FGF7: variants seen among roughly 807,000 people sequenced by gnomAD.
FGF7 encodes FGF-7.
Under a neutral mutation model 20.5 loss-of-function variants are expected in FGF7, and 6 were observed. That is an observed-to-expected ratio of 0.29 (90% confidence interval 0.16 to 0.58). The LOEUF (loss-of-function observed/expected upper bound fraction) is 0.58. Among genes scored for constraint, FGF7 ranks in the 20% least tolerant of loss-of-function variants. The probability of loss-of-function intolerance (pLI) is 0.90; values close to 1 mark genes in which losing one functional copy is unlikely to be tolerated. For missense variants in FGF7, 144 were observed against 228.8 expected, an observed-to-expected ratio of 0.63 and a Z score of 2.39; for synonymous variants, 64 against 74.7, an observed-to-expected ratio of 0.86 and a Z score of 0.74.
At chr15:49,447,869 T>A (rs780144948) in intron 2 of FGF7, among the ~76,000 whole-genome samples, 4 of 151,508 alleles carry the variant, frequency 2.6e-5, no homozygotes, top group Non-Finnish European at 5.9e-5. Flanking sequence ...AAACAATAGG[T>A]TTGACTTTTG....
chr15:49,468,766 A>G (rs1478338111), intron 2 of FGF7, among the ~76,000 whole-genome samples: 2 of 152,198 alleles, frequency 1.3e-5, no homozygotes, highest in African/African-American at 2.4e-5. Context: ...AGCAAAGCCA[A>G]CATGTGCACA....
chr15:49,475,024 A>G (rs1471547593), intron 2 of FGF7, among the ~76,000 whole-genome samples: 1 of 152,206 alleles, frequency 6.6e-6, no homozygotes, highest in Non-Finnish European at 1.5e-5. Flanking sequence ...TATTTCAGAC[A>G]ATGGTATGGA....
In FGF7 at chr15:49,424,191, C is replaced by T; in HGVS notation, c.-107C>T. 1 of 1,009,598 alleles carries T rather than the reference C, an allele frequency of 9.9e-7. No homozygotes were observed. Among genetic ancestry groups the T allele is most frequent in the Non-Finnish European group, 1.5e-6 (1 of 680,752 alleles). The allele number at this position is 1,009,598 out of a possible 1,614,324, so 62.5% of individuals were successfully genotyped here. On this transcript the variant is annotated 5_prime_UTR_variant, in exon 2 of 4. Transcript: ENST00000267843. ...AAAGAGCAACTACTCTTTCTTAAATCAATCTACAATTCACAGATAGGAAGA... is the reference window on the plus strand; with the variant it reads ...AAAGAGCAACTACTCTTTCTTAAATTAATCTACAATTCACAGATAGGAAGA...
At chr15:49,446,236 C>T (rs2052199718) in intron 2 of FGF7, among the ~76,000 whole-genome samples, 1 of 151,474 alleles carries the variant, frequency 6.6e-6, no homozygotes, top group South Asian at 2.1e-4. Context: ...CTTAGAAAAT[C>T]TTAACTGAAT....
intron 2 of FGF7, among the ~76,000 whole-genome samples, chr15:49,432,665 C>T (rs2050722533): frequency 6.6e-6 from 1 of 151,548 alleles, no homozygotes; most frequent in African/African-American, 2.4e-5. Context: ...TACAATTGAC[C>T]TGAACCAACA....
At position 49,426,065 on chromosome 15, in the gene FGF7, GGATAATAAAA is replaced by G. The variant is rs201690038; in HGVS notation, c.286+1483_286+1492del. Among the ~76,000 whole-genome samples, 429 of 151,338 alleles carry G rather than the reference GGATAATAAAA, an allele frequency of 2.8e-3. 7 individuals carry two copies. In the East Asian group the frequency reaches 0.032, roughly 11 times the overall value. ...TAATATATATCAATAATAATATCAT[GGATAATAAAA>G]CCTGGTGGAGACGACAGAGCCTAGG... On this transcript the variant is annotated intron_variant, in intron 2 of 3. Transcript: ENST00000267843.
At chr15:49,469,586 C>T (rs2054555139) in intron 2 of FGF7, among the ~76,000 whole-genome samples, 1 of 151,996 alleles carries the variant, frequency 6.6e-6, no homozygotes. Flanking sequence ...TTAGGTGTTG[C>T]TTCAATAAAG....
chr15:49,462,854 G>A (rs1423799505), intron 2 of FGF7, among the ~76,000 whole-genome samples: 1 of 151,924 alleles, frequency 6.6e-6, no homozygotes, highest in Non-Finnish European at 1.5e-5. Context: ...AATTATAAAC[G>A]ATATTACATT....
chr15:49,451,466 TAAA>T (rs1169848997), intron 2 of FGF7, among the ~76,000 whole-genome samples: 1 of 152,082 alleles, frequency 6.6e-6, no homozygotes, highest in Non-Finnish European at 1.5e-5. Flanking sequence ...TATGTTTGCT[TAAA>T]TCTATATGTA....
chr15:49,426,409 A>G (rs2050135994), intron 2 of FGF7, among the ~76,000 whole-genome samples: 1 of 152,038 alleles, frequency 6.6e-6, no homozygotes, highest in Non-Finnish European at 1.5e-5. Context: ...GTGGAATTCT[A>G]CATGCTGACT....
rs1246901925 is a variant in FGF7, at chr15:49,487,323, T to A, written c.*2819T>A. On this transcript the variant is annotated 3_prime_UTR_variant, in exon 4 of 4. Coordinates refer to ENST00000267843, the MANE Select transcript of FGF7 (RefSeq NM_002009.4). Reference sequence around the variant, plus strand: ...ATTAAATACATGAGTTTCTAACAATTAGAAAAGAAAAAATTAAAACATGAA... The same window carrying A: ...ATTAAATACATGAGTTTCTAACAATAAGAAAAGAAAAAATTAAAACATGAA... 6.6e-6 allele frequency: 1 copy of A among 151,340 alleles called. No individual in the cohort carries two copies. The highest frequency in any genetic ancestry group is 1.5e-5 in the Non-Finnish European group (1 of 67,684). The allele number at this position is 151,340 out of a possible 1,614,324, so 9.4% of individuals were successfully genotyped here.
intron 2 of FGF7, among the ~76,000 whole-genome samples, chr15:49,472,838 G>A (rs1567344502): frequency 6.6e-6 from 1 of 152,212 alleles, no homozygotes; most frequent in Non-Finnish European, 1.5e-5. Flanking sequence ...AAAGTTACAT[G>A]ACATTACAGA....
At chr15:49,452,179 C>T (rs11638378) in intron 2 of FGF7, among the ~76,000 whole-genome samples, 38,822 of 151,806 alleles carry the variant, frequency 0.26, 5,320 homozygotes, top group East Asian at 0.44. Flanking sequence ...GTATCTGGCA[C>T]TACAGGTGCA....
At chr15:49,480,877 G>T (rs1011090165) in intron 2 of FGF7, among the ~76,000 whole-genome samples, 3 of 152,130 alleles carry the variant, frequency 2.0e-5, no homozygotes, top group African/African-American at 7.2e-5. Flanking sequence ...TGAACTTATT[G>T]TCATGACTGG....
chr15:49,438,139 A>T lies in FGF7; in HGVS notation c.286+13556A>T, dbSNP rs1470804260. ...AAGATAGGAAGTAGGAAGAGATAAG[A>T]CTGCAGGGAAGTCTCATATCTTGGA... On this transcript the variant is annotated intron_variant, in intron 2 of 3. Transcript: ENST00000267843. Among the ~76,000 whole-genome samples the T allele has an allele frequency of 5.9e-5, 9 of 151,776 alleles. No individual in the cohort carries two copies. In the East Asian group the frequency reaches 1.8e-3, roughly 30 times the overall value.
At chr15:49,460,895 T>C (rs2053733866) in intron 2 of FGF7, among the ~76,000 whole-genome samples, 1 of 152,238 alleles carries the variant, frequency 6.6e-6, no homozygotes, top group African/African-American at 2.4e-5. Context: ...GCATTTGGTT[T>C]GTTTTTAATT....
At chr15:49,475,496 T>G (rs1427736796) in intron 2 of FGF7, among the ~76,000 whole-genome samples, 1 of 152,162 alleles carries the variant, frequency 6.6e-6, no homozygotes, top group African/African-American at 2.4e-5. Flanking sequence ...GGCTTGCAAA[T>G]GTATTTAAAC....
chr15:49,453,713 C>T (rs952389165), intron 2 of FGF7, among the ~76,000 whole-genome samples: 1 of 152,244 alleles, frequency 6.6e-6, no homozygotes, highest in Non-Finnish European at 1.5e-5. Flanking sequence ...TCTGAAATTT[C>T]ATGTCTCTTC....
chr15:49,479,447 C>T (rs2055679514), intron 2 of FGF7, among the ~76,000 whole-genome samples: 1 of 152,028 alleles, frequency 6.6e-6, no homozygotes, highest in Admixed American at 6.6e-5. Flanking sequence ...TTATGTGAGG[C>T]AACGGATACA....
Sources: allele counts gnomAD v4.1 joint callset (sites outside exome capture counted in the v4.1 genomes callset), GRCh38; gene constraint gnomAD v4.1.1; transcripts MANE v1.5; gene names NCBI Gene and HGNC (gene_info 2026-07-23, HGNC 2026-07-21).